The following OCA2 variants were observed in gnomAD, a reference collection of about 807,000 sequenced individuals.
OCA2 encodes OCA2 melanosomal transmembrane protein, also known as P protein.
OCA2 carries 77 observed loss-of-function variants against 100.2 expected under a neutral mutation model. The ratio of observed to expected loss-of-function variants is 0.77; its 90% confidence interval spans 0.64 to 0.93. The LOEUF is 0.93. Ranked by LOEUF, OCA2 falls within the 40% of genes least tolerant of loss-of-function variation. OCA2 has a pLI of 0.00. For synonymous variants in OCA2, 432 were observed against 439.2 expected (o/e 0.98, Z 0.21); for missense variants, 1,062 against 1,089.1 (o/e 0.98, Z 0.35).
At position 27,985,135 on chromosome 15, in the gene OCA2, G is replaced by A. The variant is rs1424396669; in HGVS notation, c.1293C>T (p.Leu431=). The A allele has an allele frequency of 6.2e-7, 1 of 1,614,026 alleles. No individual in the cohort carries two copies. The highest frequency in any genetic ancestry group is 1.7e-5 in the Admixed American group (1 of 60,018). The change falls in exon 13 of 24, where the codon CTC becomes CTT. Residue 431 remains leucine (L), a synonymous_variant. Transcript: ENST00000354638. ...RVWAMIIMLC[L]IAAVLSAFLD... is the part of the protein sequence containing the mutation. ...AGAAGGCAGAGAGGACGGCCGCGAT[G>A]AGACAGAGCATGATGATCATGGCCC...
At chr15:27,873,368 T>C (rs2036662459) in intron 19 of OCA2, among the ~76,000 whole-genome samples, 2 of 152,222 alleles carry the variant, frequency 1.3e-5, no homozygotes, top group Admixed American at 6.5e-5. Flanking sequence ...AGAACCAATG[T>C]TCCCAGGGGG....
intron 23 of OCA2, among the ~76,000 whole-genome samples, chr15:27,832,747 G>A (rs577880462): frequency 6.6e-6 from 1 of 152,068 alleles, no homozygotes; most frequent in Admixed American, 6.5e-5. Context: ...TTACAAAGCT[G>A]TGTTGACTTC....
intron 23 of OCA2, among the ~76,000 whole-genome samples, chr15:27,779,296 C>T (rs750188130): frequency 1.3e-5 from 2 of 152,088 alleles, no homozygotes; most frequent in Non-Finnish European, 2.9e-5. Context: ...CAGTGGTTTT[C>T]GAGTCTCCTG....
chr15:27,736,700 TCC>T, the OCA2 span, among the ~76,000 whole-genome samples: 1 of 152,176 alleles, frequency 6.6e-6, no homozygotes, highest in Non-Finnish European at 1.5e-5. Context: ...AGAGTCAAGT[TCC>T]CACCTCCTGT....
rs1020179503 is a variant in OCA2, at chr15:27,884,779, G to C, written c.2080-12857C>G. ...TTTGGGGGGATTTTGATAGTGATAC[G>C]TATTTTTTTGTTTAGTTTCATTTCT... On this transcript the variant is annotated intron_variant, in intron 19 of 23. Coordinates refer to ENST00000354638, the MANE Select transcript of OCA2 (RefSeq NM_000275.3). Among the ~76,000 whole-genome samples, 53 of 152,166 alleles carry C rather than the reference G, an allele frequency of 3.5e-4. 1 individual carries two copies. Among genetic ancestry groups the C allele is most frequent in the African/African-American group, 1.2e-3 (51 of 41,448 alleles).
chr15:27,722,992 C>T, the OCA2 span, among the ~76,000 whole-genome samples: 1 of 151,842 alleles, frequency 6.6e-6, no homozygotes, highest in Non-Finnish European at 1.5e-5. Flanking sequence ...CAGGCATGCA[C>T]CACCATGCCT....
chr15:28,021,809 G>A (rs1238915858), intron 6 of OCA2, among the ~76,000 whole-genome samples: 2 of 152,174 alleles, frequency 1.3e-5, no homozygotes, highest in Admixed American at 1.3e-4. Flanking sequence ...GAAGGTAGGA[G>A]GGGAAAAAGT....
At chr15:27,931,261 A>G (rs2442128) in intron 18 of OCA2, among the ~76,000 whole-genome samples, 6,680 of 152,302 alleles carry the variant, frequency 0.044, 507 homozygotes, top group African/African-American at 0.15. Flanking sequence ...ACCTGGATGG[A>G]TAACGTATCC....
chr15:28,057,738 A>C (rs1017290067), intron 2 of OCA2, among the ~76,000 whole-genome samples: 2 of 152,264 alleles, frequency 1.3e-5, no homozygotes, highest in African/African-American at 4.8e-5. Flanking sequence ...CCTGGGCACA[A>C]GCCCTCTGAG....
chr15:27,925,913 A>C (rs1315768005), intron 19 of OCA2, among the ~76,000 whole-genome samples: 1 of 152,234 alleles, frequency 6.6e-6, no homozygotes, highest in Non-Finnish European at 1.5e-5. Flanking sequence ...AAGATAATTC[A>C]AGAAAAAAAA....
chr15:27,887,615 CTCT>C (rs1044004033), intron 19 of OCA2, among the ~76,000 whole-genome samples: 26 of 95,298 alleles, frequency 2.7e-4, no homozygotes, highest in South Asian at 2.0e-3. Flanking sequence ...TCCACTAAAC[CTCT>C]TTTTTTTTTT....
chr15:27,808,307 T>C (rs907784841), intron 23 of OCA2, among the ~76,000 whole-genome samples: 2 of 152,224 alleles, frequency 1.3e-5, no homozygotes, highest in Non-Finnish European at 2.9e-5. Context: ...GAAGTGATGC[T>C]CGGGGAGCCT....
intron 2 of OCA2, among the ~76,000 whole-genome samples, chr15:28,076,975 T>G (rs1168554829): frequency 6.6e-6 from 1 of 152,056 alleles, no homozygotes; most frequent in Non-Finnish European, 1.5e-5. Context: ...GATTCAAAAT[T>G]TTCTGAGATT....
chr15:28,077,348 C>T (rs538287360), intron 2 of OCA2, among the ~76,000 whole-genome samples: 134 of 152,256 alleles, frequency 8.8e-4, no homozygotes, highest in African/African-American at 2.1e-3. Context: ...CATGAGCCAC[C>T]GCACCCAGCC....
chr15:27,897,230 T>A (rs1595598437), intron 19 of OCA2, among the ~76,000 whole-genome samples: 1 of 151,254 alleles, frequency 6.6e-6, no homozygotes, highest in East Asian at 1.9e-4. Flanking sequence ...GCCCATCCCA[T>A]CACAGGCCCA....
downstream of OCA2, among the ~76,000 whole-genome samples, chr15:27,751,913 G>T (rs986234422): frequency 6.6e-6 from 1 of 152,228 alleles, no homozygotes; most frequent in Non-Finnish European, 1.5e-5. Context: ...TGGGCTGTGC[G>T]TCACAAGCCA....
At chr15:27,811,188 C>T (rs997653297) in intron 23 of OCA2, among the ~76,000 whole-genome samples, 2 of 109,348 alleles carry the variant, frequency 1.8e-5, no homozygotes, top group Admixed American at 1.0e-4. Flanking sequence ...ACTACTTAGC[C>T]GTAAAAAAAA....
intron 19 of OCA2, among the ~76,000 whole-genome samples, chr15:27,897,350 T>C (rs1042088221): frequency 6.6e-6 from 1 of 151,330 alleles, no homozygotes; most frequent in African/African-American, 2.4e-5. Context: ...CATGGTTATA[T>C]AGTTTCCTGG....
At chr15:28,001,508 G>C (rs1210822755) in intron 9 of OCA2, among the ~76,000 whole-genome samples, 1 of 152,088 alleles carries the variant, frequency 6.6e-6, no homozygotes, top group African/African-American at 2.4e-5. Context: ...GGGGCAGTGT[G>C]GTCAGGGAAG....
Sources: allele counts gnomAD v4.1 joint callset (sites outside exome capture counted in the v4.1 genomes callset), GRCh38; gene constraint gnomAD v4.1.1; transcripts MANE v1.5; gene names NCBI Gene and HGNC (gene_info 2026-07-23, HGNC 2026-07-21).